DOK6: variants seen among roughly 807,000 people sequenced by gnomAD.
DOK6 encodes downstream of tyrosine kinase 6.
A neutral mutation model predicts 44.0 loss-of-function variants in DOK6; 22 were observed. The observed-to-expected ratio is 0.50, with a 90% CI of 0.36 to 0.71. The LOEUF is 0.71. Among genes scored for constraint, DOK6 ranks in the 30% least tolerant of loss-of-function variants. The probability of loss-of-function intolerance (pLI) is 0.00; values close to 1 mark genes in which losing one functional copy is unlikely to be tolerated. For missense variants in DOK6, 340 were observed against 416.4 expected (o/e 0.82, Z 1.60); for synonymous variants, 166 against 145.5 (o/e 1.14, Z -1.01).
chr18:69,648,611 T>C (rs1214276196), intron 3 of DOK6, among the ~76,000 whole-genome samples: 1 of 152,208 alleles, frequency 6.6e-6, no homozygotes, highest in Non-Finnish European at 1.5e-5. Flanking sequence ...GACATGGCGA[T>C]GTGAAACTAA....
At chr18:69,611,136 T>C (rs1326022368) in intron 3 of DOK6, among the ~76,000 whole-genome samples, 1 of 152,140 alleles carries the variant, frequency 6.6e-6, no homozygotes, top group Admixed American at 6.5e-5. Flanking sequence ...AAACATCAAG[T>C]ATACAATTTA....
At position 69,448,623 on chromosome 18, in the gene DOK6, C is replaced by T. The variant is rs186397159; in HGVS notation, c.66+47313C>T. 2.6e-5 allele frequency among the ~76,000 whole-genome samples: 4 copies of T among 152,286 alleles called. No individual in the cohort carries two copies. The East Asian group carries it at 7.7e-4, about 29-fold the overall frequency. On this transcript the variant is annotated intron_variant, in intron 1 of 7. Transcript: ENST00000382713. ...TCCTAGCCTCAGGTGATCCACCCACCTCAGCCTCCCAAACTGCTGGGATTA... is the reference window on the plus strand; with the variant it reads ...TCCTAGCCTCAGGTGATCCACCCACTTCAGCCTCCCAAACTGCTGGGATTA...
intron 4 of DOK6, 142 bp from the exon 5 acceptor site, chr18:69,698,262 G>A: frequency 6.1e-6 from 4 of 660,582 alleles, no homozygotes; most frequent in Non-Finnish European, 9.7e-6. Context: ...AATATGTCAT[G>A]TTCTACAATG....
intron 3 of DOK6, among the ~76,000 whole-genome samples, chr18:69,617,422 AAAAG>A (rs149723147): frequency 0.035 from 5,335 of 150,878 alleles, 117 homozygotes; most frequent in East Asian, 0.12. Context: ...GGAGAAAAGA[AAAAG>A]AAAGAAAGAG....
intron 7 of DOK6, among the ~76,000 whole-genome samples, chr18:69,796,741 C>A (rs189610153): frequency 9.9e-5 from 15 of 152,232 alleles, no homozygotes; most frequent in Admixed American, 3.3e-4. Context: ...AAAAGAGGCA[C>A]AGTCAATCTC....
chr18:69,810,204 C>T (rs1981181222), intron 7 of DOK6, among the ~76,000 whole-genome samples: 1 of 151,754 alleles, frequency 6.6e-6, no homozygotes. Context: ...TGATTTTTGA[C>T]AAAAGTGCCG....
chr18:69,433,616 G>T (rs1205438970), intron 1 of DOK6, among the ~76,000 whole-genome samples: 1 of 151,950 alleles, frequency 6.6e-6, no homozygotes, highest in Admixed American at 6.6e-5. Flanking sequence ...GTGAGACTCA[G>T]TGTGCACACA....
rs1039775304 is a variant in DOK6 at position 69,842,882 on chromosome 18, A to G, written c.*1499A>G. 3 of 152,202 alleles carry G rather than the reference A, an allele frequency of 2.0e-5. No individual in the cohort carries two copies. Among genetic ancestry groups the G allele is most frequent in the African/African-American group, 7.2e-5 (3 of 41,452 alleles). The allele number at this position is 152,202 out of a possible 1,614,324, so 9.4% of individuals were successfully genotyped here. On this transcript the variant is annotated 3_prime_UTR_variant, in exon 8 of 8. Coordinates refer to ENST00000382713, the MANE Select transcript of DOK6 (RefSeq NM_152721.6). Reference sequence around the variant, plus strand: ...GAACAGTGAGCTCAGGTCACGCAAGATGAAAACCCAGGTTTTTTTTTTCTT... The same window carrying G: ...GAACAGTGAGCTCAGGTCACGCAAGGTGAAAACCCAGGTTTTTTTTTTCTT...
chr18:69,643,940 C>T (rs923266901), intron 3 of DOK6: 3 of 152,120 alleles, frequency 2.0e-5, no homozygotes, highest in Non-Finnish European at 4.4e-5. Flanking sequence ...TTAATTTGGC[C>T]ATCCGGATAG....
At chr18:69,824,982 T>G (rs1167742755) in intron 7 of DOK6, among the ~76,000 whole-genome samples, 3 of 152,254 alleles carry the variant, frequency 2.0e-5, no homozygotes, top group Admixed American at 6.5e-5. Flanking sequence ...CTAAATTTCT[T>G]TCTAGTGTTA....
intron 2 of DOK6, among the ~76,000 whole-genome samples, chr18:69,589,070 A>C (rs1983568762): frequency 6.6e-6 from 1 of 152,112 alleles, no homozygotes. Flanking sequence ...TGGAAAATTG[A>C]TATAAATTTA....
chr18:69,603,657 C>T, intron 3 of DOK6, among the ~76,000 whole-genome samples: 1 of 150,734 alleles, frequency 6.6e-6, no homozygotes, highest in East Asian at 2.0e-4. Context: ...TGTAGTCCCA[C>T]ATACGTGAGA....
intron 3 of DOK6, among the ~76,000 whole-genome samples, chr18:69,658,886 A>G (rs961104693): frequency 6.6e-6 from 1 of 152,232 alleles, no homozygotes; most frequent in African/African-American, 2.4e-5. Context: ...AAGCCTGCAC[A>G]TAATAATTAA....
intron 1 of DOK6, among the ~76,000 whole-genome samples, chr18:69,561,643 G>C (rs9949854): frequency 6.6e-6 from 1 of 151,756 alleles, no homozygotes; most frequent in Non-Finnish European, 1.5e-5. Context: ...GGAAGTGTTT[G>C]TTAGGGAAGG....
At chr18:69,612,025 CT>C (rs1224928750) in intron 3 of DOK6, among the ~76,000 whole-genome samples, 23 of 152,178 alleles carry the variant, frequency 1.5e-4, no homozygotes, top group African/African-American at 5.5e-4. Context: ...TGTCAACACC[CT>C]AGTTGTCATA....
intron 6 of DOK6, among the ~76,000 whole-genome samples, chr18:69,750,869 T>A (rs1172628209): frequency 1.3e-5 from 2 of 152,058 alleles, no homozygotes; most frequent in Non-Finnish European, 2.9e-5. Context: ...GTGGAACACA[T>A]ACGCAGTGGA....
At chr18:69,588,382 C>G (rs1452008205) in intron 2 of DOK6, among the ~76,000 whole-genome samples, 15 of 152,134 alleles carry the variant, frequency 9.9e-5, no homozygotes. Flanking sequence ...TTTTTCCTCT[C>G]TCTGTGTTCT....
At chr18:69,728,238 A>G (rs1486026872) in intron 5 of DOK6, among the ~76,000 whole-genome samples, 1 of 152,308 alleles carries the variant, frequency 6.6e-6, no homozygotes, top group African/African-American at 2.4e-5. Context: ...TCTAGAGACC[A>G]ATTTATTTCA....
At chr18:69,559,935 C>T (rs188114110) in intron 1 of DOK6, among the ~76,000 whole-genome samples, 2 of 152,244 alleles carry the variant, frequency 1.3e-5, no homozygotes, top group East Asian at 1.9e-4. Flanking sequence ...AGGCTCAACC[C>T]TCATGACCCC....
Sources: allele counts gnomAD v4.1 joint callset (sites outside exome capture counted in the v4.1 genomes callset), GRCh38; gene constraint gnomAD v4.1.1; transcripts MANE v1.5; gene names NCBI Gene and HGNC (gene_info 2026-07-23, HGNC 2026-07-21).